Variants in CALN1 observed in about 807,000 individuals in gnomAD.
CALN1 encodes the protein calneuron 1.
Under a neutral mutation model 30.6 loss-of-function variants are expected in CALN1, and 17 were observed. That is an observed-to-expected ratio of 0.56 (90% CI 0.38 to 0.83). CALN1 has a LOEUF of 0.83. Among genes scored for constraint, CALN1 ranks in the 40% least tolerant of loss-of-function variants. The pLI is 0.00. For synonymous variants in CALN1, 156 were observed against 131.4 expected (o/e 1.19, Z -1.28); for missense variants, 291 against 354.9 (o/e 0.82, Z 1.45).
At chr7:72,051,033 TAA>T (rs1563011881) in intron 4 of CALN1, among the ~76,000 whole-genome samples, 1 of 150,576 alleles carries the variant, frequency 6.6e-6, no homozygotes, top group East Asian at 1.9e-4. Flanking sequence ...AATAAATAAA[TAA>T]ATAAATATTT....
chr7:71,787,721 C>T lies in CALN1; in HGVS notation c.*54G>A. The T allele has an allele frequency of 6.2e-7, 1 of 1,602,496 alleles. No individual in the cohort carries two copies. The highest frequency in any genetic ancestry group is 8.5e-7 in the Non-Finnish European group (1 of 1,174,476). ...GCTGTGTGGAGGAAGAGTCTGCCCG[C>T]ACGGCATGCACATGCGCGGTGAGCT... is the stretch of plus-strand genomic sequence containing the variant. On this transcript the variant is annotated 3_prime_UTR_variant, in exon 7 of 7. Transcript: ENST00000395275.
chr7:72,086,680 T>C (rs2867569), intron 4 of CALN1, among the ~76,000 whole-genome samples: 35,107 of 152,044 alleles, frequency 0.23, 4,096 homozygotes, highest in Admixed American at 0.29. Context: ...GTGATCCACC[T>C]GCCTCAGCCT....
chr7:71,846,438 G>A (rs1790239547), intron 5 of CALN1, among the ~76,000 whole-genome samples: 1 of 152,234 alleles, frequency 6.6e-6, no homozygotes, highest in African/African-American at 2.4e-5. Context: ...GAGCAGGAAA[G>A]GCACCAAACA....
intron 5 of CALN1, among the ~76,000 whole-genome samples, chr7:71,935,665 TGA>T (rs1178132533): frequency 1.3e-5 from 2 of 152,162 alleles, no homozygotes; most frequent in African/African-American, 4.8e-5. Flanking sequence ...GAAGTTGCGG[TGA>T]GCGGAGATCG....
rs533968679 is a variant in CALN1, at chr7:72,065,861, C to G, written c.388+40290G>C. 2.6e-5 allele frequency among the ~76,000 whole-genome samples: 4 copies of G among 152,132 alleles called. No individual in the cohort carries two copies. The East Asian group carries it at 7.7e-4, about 29-fold the overall frequency. On this transcript the variant is annotated intron_variant, in intron 4 of 6. Transcript: ENST00000395275. ...TGAGCCAAGATCACACCATTGCACT[C>G]CAGCCTGGGCAACAAGAGCAAAACT...
At chr7:72,453,418 C>T in the CALN1 span, among the ~76,000 whole-genome samples, 3 of 152,160 alleles carry the variant, frequency 2.0e-5, no homozygotes, top group African/African-American at 4.8e-5. Context: ...TAGTAACTTC[C>T]GGGTCATTGC....
rs1250855525 is a variant in CALN1 at position 72,403,312 on chromosome 7, C to T, written c.58G>A (p.Gly20Arg). The T allele has an allele frequency of 1.3e-6, 2 of 1,550,172 alleles. No homozygotes were observed. The highest frequency in any genetic ancestry group is 1.4e-5 in the African/African-American group (1 of 73,090). ...TCCTCTCCCCCTCCGAGGGCTCCTCCGTCCCCCTTTTTCTCATTCTCGGGC... is the reference window on the plus strand; with the variant it reads ...TCCTCTCCCCCTCCGAGGGCTCCTCTGTCCCCCTTTTTCTCATTCTCGGGC... ...GKPENEKKGD[G>R]GALGGGEEPP... The change falls in exon 2 of 7, where the codon GGA (glycine) becomes AGA (arginine). Residue 20 changes from glycine to arginine, a missense_variant. Physicochemically the swap from Gly to Arg is moderately radical, Grantham distance 125 (BLOSUM62 -2). Around this residue, in one of 2 missense-constraint regions of CALN1, gnomAD observed 122 missense variants for 103.2 expected, o/e 1.18. Transcript: ENST00000395275.
chr7:72,261,050 G>A (rs149182657), intron 3 of CALN1, among the ~76,000 whole-genome samples: 2,324 of 152,300 alleles, frequency 0.015, 31 homozygotes, highest in African/African-American at 0.03. Context: ...GCTCTCGCCT[G>A]TAATCCCAGC....
At chr7:72,113,763 T>C (rs1400069391) in intron 3 of CALN1, among the ~76,000 whole-genome samples, 1 of 152,214 alleles carries the variant, frequency 6.6e-6, no homozygotes, top group Non-Finnish European at 1.5e-5. Context: ...AAGACTAAAA[T>C]ATTTATACTC....
At chr7:72,348,511 C>A (rs1021392289) in intron 2 of CALN1, among the ~76,000 whole-genome samples, 1 of 152,208 alleles carries the variant, frequency 6.6e-6, no homozygotes, top group Non-Finnish European at 1.5e-5. Context: ...ATTTAAGTTC[C>A]TAGTTGACAA....
intron 5 of CALN1, among the ~76,000 whole-genome samples, chr7:71,972,300 C>G (rs917682951): frequency 4.6e-5 from 7 of 152,132 alleles, no homozygotes; most frequent in African/African-American, 1.7e-4. Flanking sequence ...TTGTTGCACG[C>G]TCAGGGAGAA....
upstream of CALN1, among the ~76,000 whole-genome samples, chr7:72,451,209 AAGGAGGAGG>A (rs546106123): frequency 2.5e-4 from 32 of 126,070 alleles, no homozygotes; most frequent in East Asian, 7.1e-4. Context: ...GAAGAAGAAG[AAGGAGGAGG>A]AGGAGGAGGA....
At position 71,798,123 on chromosome 7, in the gene CALN1, C is replaced by CAGAGAGAGAGAGAGAG. The variant is rs3973907; in HGVS notation, c.659-10237_659-10222dup. On this transcript the variant is annotated intron_variant, in intron 6 of 6. Coordinates refer to ENST00000395275, the MANE Select transcript of CALN1 (RefSeq NM_031468.4). ...AGACAGAGAGAGACAGAGACAGAGACAGAGAGAGAGAGAGAGAGAGAGAGA... is the reference window on the plus strand; with the variant it reads ...AGACAGAGAGAGACAGAGACAGAGACAGAGAGAGAGAGAGAGAGAGAGAGAGAGAGAGAGAGAGAGA... Among the ~76,000 whole-genome samples, 28 of 71,044 alleles carry CAGAGAGAGAGAGAGAG rather than the reference C, an allele frequency of 3.9e-4. 1 individual carries two copies. The highest frequency in any genetic ancestry group is 4.9e-4 in the Non-Finnish European group (19 of 38,852). 46.6% of individuals were successfully genotyped at this position (71,044 alleles called of 152,430 possible).
chr7:72,376,111 A>ATTCC (rs1466026074), intron 2 of CALN1, among the ~76,000 whole-genome samples: 1 of 152,192 alleles, frequency 6.6e-6, no homozygotes. Flanking sequence ...CACTTTATGG[A>ATTCC]TTATATCATC....
chr7:71,841,766 T>C (rs1789951682), intron 5 of CALN1, among the ~76,000 whole-genome samples: 1 of 151,980 alleles, frequency 6.6e-6, no homozygotes, highest in African/African-American at 2.4e-5. Flanking sequence ...AACCAAACAC[T>C]GCATGTTCTC....
chr7:72,457,730 G>A, the CALN1 span, among the ~76,000 whole-genome samples: 1 of 151,198 alleles, frequency 6.6e-6, no homozygotes, highest in Non-Finnish European at 1.5e-5. Flanking sequence ...CCCTCCATAA[G>A]TGGCAAGTGG....
Position 71,824,119 on chromosome 7 carries a change from G to A in CALN1, c.502-13627C>T, listed in dbSNP as rs577604140. On this transcript the variant is annotated intron_variant, in intron 5 of 6. Transcript: ENST00000395275. ...TCACTATGTTACCCAGGCTGATCTC[G>A]AACTCCTGGACTCAAGCAATCCTCC... Among the ~76,000 whole-genome samples, 19 of 152,178 alleles carry A rather than the reference G, an allele frequency of 1.2e-4. No individual in the cohort carries two copies. In the South Asian group the frequency reaches 1.9e-3, roughly 15 times the overall value.
At chr7:72,182,457 A>C (rs1789881656) in intron 3 of CALN1, among the ~76,000 whole-genome samples, 1 of 152,116 alleles carries the variant, frequency 6.6e-6, no homozygotes, top group Admixed American at 6.6e-5. Context: ...CAGTAGTTCA[A>C]ACCTATAATC....
intron 4 of CALN1, among the ~76,000 whole-genome samples, chr7:72,063,869 T>C (rs1803835389): frequency 6.6e-6 from 1 of 151,766 alleles, no homozygotes; most frequent in South Asian, 2.1e-4. Context: ...CAAAATAAAA[T>C]CCAAAATCCA....
Sources: allele counts gnomAD v4.1 joint callset (sites outside exome capture counted in the v4.1 genomes callset), GRCh38; gene constraint gnomAD v4.1.1; regional missense constraint gnomAD v4.1.1; transcripts MANE v1.5; gene names NCBI Gene and HGNC (gene_info 2026-07-23, HGNC 2026-07-21).